ELMO1: variants seen among roughly 807,000 people sequenced by gnomAD.
ELMO1 encodes engulfment and cell motility 1, also known as engulfment and cell motility protein 1.
Under a neutral mutation model 98.9 loss-of-function variants are expected in ELMO1, and 26 were observed. That is an observed-to-expected ratio of 0.26 (90% confidence interval 0.19 to 0.36). The LOEUF (loss-of-function observed/expected upper bound fraction) is 0.36. ELMO1 is among the 10% of genes least tolerant of loss of function. The probability of loss-of-function intolerance (pLI) is 1.00; values close to 1 mark genes in which losing one functional copy is unlikely to be tolerated. For synonymous variants in ELMO1, 346 were observed against 346.0 expected, an observed-to-expected ratio of 1.00 and a Z score of 0.00; for missense variants, 627 against 935.2, an observed-to-expected ratio of 0.67 and a Z score of 4.30.
At chr7:36,912,487 C>T (rs983512988) in intron 16 of ELMO1, among the ~76,000 whole-genome samples, 4 of 151,992 alleles carry the variant, frequency 2.6e-5, no homozygotes, top group Admixed American at 2.0e-4. Flanking sequence ...AGTTGCTGGG[C>T]CAAATCCAAA....
At chr7:37,037,170 T>C (rs1048123231) in intron 15 of ELMO1, among the ~76,000 whole-genome samples, 1 of 152,248 alleles carries the variant, frequency 6.6e-6, no homozygotes, top group Admixed American at 6.5e-5. Context: ...AAATGGTGAC[T>C]TTCCTATATA....
chr7:37,326,667 C>T (rs1332503372), intron 2 of ELMO1, among the ~76,000 whole-genome samples: 1 of 151,918 alleles, frequency 6.6e-6, no homozygotes, highest in Non-Finnish European at 1.5e-5. Context: ...TTGTTTCAAG[C>T]TTCATGAAAC....
At chr7:37,354,365 C>T (rs556633213) in intron 1 of ELMO1, among the ~76,000 whole-genome samples, 38 of 152,292 alleles carry the variant, frequency 2.5e-4, no homozygotes, top group Admixed American at 4.6e-4. Flanking sequence ...GAAAACCTTC[C>T]GGCATTTCTT....
At chr7:37,411,567 C>T (rs1803992834) in intron 1 of ELMO1, among the ~76,000 whole-genome samples, 1 of 152,124 alleles carries the variant, frequency 6.6e-6, no homozygotes. Flanking sequence ...ATTAGAGGGT[C>T]CCTTTTCATA....
chr7:36,984,138 GCACATCCT>G (rs1332263876), intron 16 of ELMO1, among the ~76,000 whole-genome samples: 1 of 152,162 alleles, frequency 6.6e-6, no homozygotes, highest in Non-Finnish European at 1.5e-5. Context: ...GTCACTTAAT[GCACATCCT>G]CTAGAAACCA....
At chr7:36,950,927 T>C (rs1402468075) in intron 16 of ELMO1, among the ~76,000 whole-genome samples, 3 of 152,186 alleles carry the variant, frequency 2.0e-5, no homozygotes, top group African/African-American at 7.2e-5. Context: ...GAGCAGTAAA[T>C]GACCCATCCA....
intron 4 of ELMO1, among the ~76,000 whole-genome samples, chr7:37,276,489 T>C (rs2130879199): frequency 6.6e-6 from 1 of 152,114 alleles, no homozygotes; most frequent in African/African-American, 2.4e-5. Context: ...CAGGCGCCTG[T>C]AGTCCCAGCT....
intron 16 of ELMO1, among the ~76,000 whole-genome samples, chr7:36,912,253 C>T (rs1236317528): frequency 1.3e-5 from 2 of 152,054 alleles, no homozygotes; most frequent in African/African-American, 2.4e-5. Context: ...TAATTCCCAC[C>T]CAAGAAAGGA....
At chr7:36,987,924 A>T (rs1791625869) in intron 16 of ELMO1, among the ~76,000 whole-genome samples, 1 of 152,024 alleles carries the variant, frequency 6.6e-6, no homozygotes, top group African/African-American at 2.4e-5. Context: ...TGCCTGGCTA[A>T]TTTTTGTATA....
intron 16 of ELMO1, among the ~76,000 whole-genome samples, chr7:36,987,321 T>G (rs191659178): frequency 6.6e-5 from 10 of 152,210 alleles, no homozygotes; most frequent in Admixed American, 4.6e-4. Flanking sequence ...CACTGAGCAG[T>G]GAATGGCTGC....
At chr7:37,064,584 C>T (rs776609321) in intron 15 of ELMO1, among the ~76,000 whole-genome samples, 1 of 152,212 alleles carries the variant, frequency 6.6e-6, no homozygotes, top group African/African-American at 2.4e-5. Context: ...GCCTGCAGAA[C>T]AGTGTTTGGC....
At chr7:37,057,865 T>C (rs1223081738) in intron 15 of ELMO1, among the ~76,000 whole-genome samples, 1 of 152,242 alleles carries the variant, frequency 6.6e-6, no homozygotes, top group Admixed American at 6.5e-5. Flanking sequence ...TTCTGTTACA[T>C]TTGTGTATTG....
chr7:36,874,063 G>T (rs1177454590), intron 19 of ELMO1, among the ~76,000 whole-genome samples: 2 of 152,216 alleles, frequency 1.3e-5, no homozygotes, highest in Admixed American at 1.3e-4. Context: ...GAATGGTGGG[G>T]AAAAGATGCG....
intron 13 of ELMO1, among the ~76,000 whole-genome samples, chr7:37,162,970 G>A (rs1789333942): frequency 1.3e-5 from 2 of 152,080 alleles, no homozygotes; most frequent in African/African-American, 2.4e-5. Flanking sequence ...CCTTGTTCAG[G>A]TTTATTTATT....
intron 10 of ELMO1, among the ~76,000 whole-genome samples, chr7:37,218,899 T>C (rs538184753): frequency 2.6e-5 from 4 of 152,358 alleles, no homozygotes; most frequent in East Asian, 3.9e-4. Flanking sequence ...ACCAAATCTT[T>C]TAACTAACAA....
rs150583562 is a variant in ELMO1, at chr7:36,890,421, A to G, written c.1602-2749T>C. 3.3e-5 allele frequency among the ~76,000 whole-genome samples: 5 copies of G among 152,224 alleles called. No individual in the cohort carries two copies. In the East Asian group the frequency reaches 7.7e-4, roughly 24 times the overall value. On this transcript the variant is annotated intron_variant, in intron 17 of 21. Transcript: ENST00000310758. ...CTGTCCATCTCTCTGCTGAACTCCA[A>G]GCTCATCTGTCTGACTGTCTAATTG...
intron 4 of ELMO1, among the ~76,000 whole-genome samples, chr7:37,294,421 C>A (rs1427979012): frequency 6.6e-6 from 1 of 151,464 alleles, no homozygotes; most frequent in Non-Finnish European, 1.5e-5. Flanking sequence ...ATTAGCCAGG[C>A]TATGCAAACA....
At chr7:36,883,187 G>C (rs1461763861) in intron 18 of ELMO1, among the ~76,000 whole-genome samples, 2 of 152,174 alleles carry the variant, frequency 1.3e-5, no homozygotes, top group Admixed American at 1.3e-4. Flanking sequence ...AGCCTGTCAT[G>C]TCAGCACTTA....
chr7:37,241,113 C>T (rs1468191890), intron 7 of ELMO1, among the ~76,000 whole-genome samples: 2 of 151,940 alleles, frequency 1.3e-5, no homozygotes, highest in Non-Finnish European at 2.9e-5. Context: ...TCAGTGTTTG[C>T]TTCACGTATT....
Sources: allele counts gnomAD v4.1 joint callset (sites outside exome capture counted in the v4.1 genomes callset), GRCh38; gene constraint gnomAD v4.1.1; transcripts MANE v1.5; gene names NCBI Gene and HGNC (gene_info 2026-07-23, HGNC 2026-07-21).